AFF3: variants seen among roughly 807,000 people sequenced by gnomAD.
AFF3 encodes ALF transcription elongation factor 3, also known as AF4/FMR2 family member 3.
Under a neutral mutation model 129.7 loss-of-function variants are expected in AFF3, and 32 were observed. The ratio of observed to expected loss-of-function variants is 0.25; its 90% CI spans 0.19 to 0.33. The LOEUF (loss-of-function observed/expected upper bound fraction) is 0.33. AFF3 is among the 10% of genes least tolerant of loss of function. AFF3 has a pLI of 1.00. For synonymous variants in AFF3, 644 were observed against 635.4 expected, an observed-to-expected ratio of 1.01 and a Z score of -0.20; for missense variants, 1,373 against 1,592.0, an observed-to-expected ratio of 0.86 and a Z score of 2.34.
intron 4 of AFF3, among the ~76,000 whole-genome samples, chr2:100,095,321 C>A (rs574852188): frequency 4.6e-5 from 7 of 152,232 alleles, no homozygotes; most frequent in African/African-American, 1.7e-4. Flanking sequence ...TCCTCCCCCA[C>A]AATCTGAAGG....
chr2:99,946,347 G>A (rs981413845), intron 7 of AFF3, among the ~76,000 whole-genome samples: 3 of 151,784 alleles, frequency 2.0e-5, no homozygotes, highest in Non-Finnish European at 2.9e-5. Flanking sequence ...ATGGGTGGAC[G>A]CCTGTAATCT....
intron 4 of AFF3, among the ~76,000 whole-genome samples, chr2:100,039,738 C>G (rs1685268650): frequency 6.6e-6 from 1 of 152,156 alleles, no homozygotes; most frequent in Admixed American, 6.5e-5. Flanking sequence ...TGAACTTCCT[C>G]TTCTCCCCAC....
intron 7 of AFF3, among the ~76,000 whole-genome samples, chr2:99,875,056 A>AAATGTCAT (rs1692182307): frequency 6.6e-6 from 1 of 152,204 alleles, no homozygotes; most frequent in Non-Finnish European, 1.5e-5. Flanking sequence ...GAAAGTTTTA[A>AAATGTCAT]AATGTCATTT....
chr2:99,826,090 C>T (rs541402702), intron 8 of AFF3, among the ~76,000 whole-genome samples: 3 of 152,204 alleles, frequency 2.0e-5, no homozygotes, highest in Non-Finnish European at 4.4e-5. Context: ...TTTCGGCTTA[C>T]TACAACCTCT....
chr2:99,886,137 T>C (rs538055989), intron 7 of AFF3, among the ~76,000 whole-genome samples: 7 of 152,238 alleles, frequency 4.6e-5, no homozygotes, highest in African/African-American at 1.7e-4. Flanking sequence ...ATACCTCGTA[T>C]GTACCCTCTG....
chr2:99,781,212 T>A (rs1684381909), intron 8 of AFF3, among the ~76,000 whole-genome samples: 1 of 152,134 alleles, frequency 6.6e-6, no homozygotes, highest in African/African-American at 2.4e-5. Context: ...TGCCACTCCC[T>A]CCCTTACTTG....
chr2:100,124,737 G>A (rs1692117270), intron 2 of AFF3, among the ~76,000 whole-genome samples: 2 of 152,178 alleles, frequency 1.3e-5, no homozygotes, highest in South Asian at 4.2e-4. Context: ...AATTAATCAA[G>A]GGCAACTAAT....
intron 7 of AFF3, among the ~76,000 whole-genome samples, chr2:99,942,323 C>CTA (rs1166805942): frequency 6.6e-6 from 1 of 152,042 alleles, no homozygotes; most frequent in East Asian, 1.9e-4. Flanking sequence ...TCTCCAAGGG[C>CTA]TACGTTCACA....
intron 11 of AFF3, among the ~76,000 whole-genome samples, chr2:99,710,164 C>T (rs915269697): frequency 1.3e-5 from 2 of 152,184 alleles, no homozygotes; most frequent in East Asian, 1.9e-4. Flanking sequence ...TATGTTTCAG[C>T]TTACACTTAT....
chr2:99,849,320 C>G (rs530070435), intron 7 of AFF3, among the ~76,000 whole-genome samples: 43 of 152,178 alleles, frequency 2.8e-4, no homozygotes, highest in African/African-American at 1.0e-3. Flanking sequence ...GAAACCACAG[C>G]CAGAAAAAGC....
intron 7 of AFF3, among the ~76,000 whole-genome samples, chr2:99,868,347 G>A (rs542660245): frequency 1.7e-4 from 26 of 152,190 alleles, no homozygotes; most frequent in African/African-American, 6.3e-4. Context: ...TTCACAGAGA[G>A]GGTACAGCAT....
chr2:99,822,780 G>T (rs956503232), intron 8 of AFF3, among the ~76,000 whole-genome samples: 1 of 152,148 alleles, frequency 6.6e-6, no homozygotes. Flanking sequence ...TCATCCATAC[G>T]GTAACTAGCC....
intron 2 of AFF3, among the ~76,000 whole-genome samples, chr2:100,122,974 A>G (rs1692040128): frequency 6.6e-6 from 1 of 152,238 alleles, no homozygotes; most frequent in African/African-American, 2.4e-5. Context: ...AATTTGGTAG[A>G]TGATCAATAA....
intron 13 of AFF3, among the ~76,000 whole-genome samples, chr2:99,602,653 T>C (rs1322733873): frequency 1.3e-5 from 2 of 152,222 alleles, no homozygotes; most frequent in African/African-American, 4.8e-5. Context: ...CACTCTTGTA[T>C]GTTGAGTCAG....
chr2:99,610,737 T>C (rs1680839021), intron 13 of AFF3, among the ~76,000 whole-genome samples: 1 of 152,208 alleles, frequency 6.6e-6, no homozygotes, highest in Non-Finnish European at 1.5e-5. Context: ...GTCTTCAGAA[T>C]TGGACTCTGA....
chr2:99,992,433 C>T (rs1483028944), intron 7 of AFF3, among the ~76,000 whole-genome samples: 1 of 152,182 alleles, frequency 6.6e-6, no homozygotes, highest in Non-Finnish European at 1.5e-5. Flanking sequence ...AAGACGTTTT[C>T]ATATCAAGTT....
At chr2:100,108,908 CTTTTTTTTTTTTT>C (rs34769933) in intron 2 of AFF3, among the ~76,000 whole-genome samples, 2 of 88,096 alleles carry the variant, frequency 2.3e-5, no homozygotes, top group African/African-American at 8.7e-5. Flanking sequence ...CATTTCTTTC[CTTTTTTTTTTTTT>C]TTTTTTTTTT....
intron 7 of AFF3, among the ~76,000 whole-genome samples, chr2:99,865,731 C>T (rs535355530): frequency 1.6e-4 from 25 of 152,226 alleles, no homozygotes; most frequent in African/African-American, 6.0e-4. Context: ...AGACCAAAGG[C>T]TCCAGATGTC....
chr2:99,765,962 A>G (rs902279423), intron 8 of AFF3, among the ~76,000 whole-genome samples: 4 of 152,184 alleles, frequency 2.6e-5, no homozygotes, highest in African/African-American at 4.8e-5. Flanking sequence ...ACTAGAAATC[A>G]GCATACATCC....
Sources: allele counts gnomAD v4.1 joint callset (sites outside exome capture counted in the v4.1 genomes callset), GRCh38; gene constraint gnomAD v4.1.1; transcripts MANE v1.5; gene names NCBI Gene and HGNC (gene_info 2026-07-23, HGNC 2026-07-21).